The following UNC13C variants were observed in gnomAD, a reference collection of about 807,000 sequenced individuals.
The protein encoded by UNC13C is protein unc-13 homolog C.
A neutral mutation model predicts 245.4 loss-of-function variants in UNC13C; 174 were observed. The observed-to-expected ratio is 0.71, with a 90% confidence interval of 0.63 to 0.80. The LOEUF is 0.80. Among genes scored for constraint, UNC13C ranks in the 30% least tolerant of loss-of-function variants. The pLI is 0.00. For synonymous variants in UNC13C, 992 were observed against 895.1 expected (o/e 1.11, Z -1.93); for missense variants, 2,829 against 2,602.9 (o/e 1.09, Z -1.89).
chr15:54,604,977 A>G (rs914377646), intron 30 of UNC13C, among the ~76,000 whole-genome samples: 1 of 152,048 alleles, frequency 6.6e-6, no homozygotes, highest in African/African-American at 2.4e-5. Context: ...TGGGGGAAAA[A>G]AACAGCTCTG....
intron 4 of UNC13C, among the ~76,000 whole-genome samples, chr15:54,193,569 C>T (rs1467000688): frequency 6.6e-6 from 1 of 152,082 alleles, no homozygotes; most frequent in Non-Finnish European, 1.5e-5. Context: ...TCCCACCTAC[C>T]AAAAAGTCTG....
At chr15:54,054,448 G>T (rs1289586881) in intron 2 of UNC13C, among the ~76,000 whole-genome samples, 1 of 152,112 alleles carries the variant, frequency 6.6e-6, no homozygotes, top group Non-Finnish European at 1.5e-5. Flanking sequence ...ATGATTTCCT[G>T]CTAACAGAAT....
chr15:54,450,768 G>T (rs879514931), intron 19 of UNC13C, among the ~76,000 whole-genome samples: 1 of 152,070 alleles, frequency 6.6e-6, no homozygotes, highest in East Asian at 1.9e-4. Context: ...GGTGCACTGC[G>T]CCCACTGTCC....
chr15:54,343,617 C>T (rs554214648), intron 17 of UNC13C, among the ~76,000 whole-genome samples: 2 of 152,288 alleles, frequency 1.3e-5, no homozygotes, highest in South Asian at 2.1e-4. Context: ...GAAATTCTCC[C>T]TCCTTCCCTG....
chr15:53,935,222 G>T, the UNC13C span, among the ~76,000 whole-genome samples: 1 of 150,928 alleles, frequency 6.6e-6, no homozygotes, highest in African/African-American at 2.4e-5. Context: ...TATGAGTGTT[G>T]CTTACCACTG....
At chr15:53,862,445 G>C in the UNC13C span, among the ~76,000 whole-genome samples, 54 of 152,160 alleles carry the variant, frequency 3.5e-4, no homozygotes, top group African/African-American at 1.3e-3. Context: ...CCTGGGGTCT[G>C]GAAAGCTTTC....
Position 54,013,444 on chromosome 15 carries a change from T to C in UNC13C, c.541T>C (p.Leu181=). The C allele has an allele frequency of 1.9e-6, 3 of 1,613,706 alleles. No individual in the cohort carries two copies. The South Asian group carries it at 3.3e-5, about 18-fold the overall frequency. Reference sequence around the variant, plus strand: ...TCTACATGGCTTAAAACTGGGAGCTTTACGAAAACTGAGAAAATGGAAAAA... The same window carrying C: ...TCTACATGGCTTAAAACTGGGAGCTCTACGAAAACTGAGAAAATGGAAAAA... ...RTLHGLKLGA[L]RKLRKWKKSQ... Residue 181 remains leucine (L), a synonymous_variant, in exon 2 of 33, where the codon TTA becomes CTA. Coordinates refer to ENST00000260323, the MANE Select transcript of UNC13C (RefSeq NM_001080534.3).
At chr15:53,843,249 G>C in the UNC13C span, among the ~76,000 whole-genome samples, 1 of 152,064 alleles carries the variant, frequency 6.6e-6, no homozygotes, top group Non-Finnish European at 1.5e-5. Context: ...AAACCAGCCT[G>C]GGCAACATGG....
intron 30 of UNC13C, among the ~76,000 whole-genome samples, chr15:54,571,723 C>T (rs1346665982): frequency 1.3e-5 from 2 of 152,220 alleles, no homozygotes; most frequent in African/African-American, 2.4e-5. Flanking sequence ...TGAGGAGCCA[C>T]AGGCACAGGC....
intron 19 of UNC13C, among the ~76,000 whole-genome samples, chr15:54,477,055 A>G (rs200969783): frequency 0.12 from 8,288 of 67,018 alleles, 159 homozygotes; most frequent in East Asian, 0.21. Flanking sequence ...TAGGTATTTT[A>G]TTCTCTTTGA....
chr15:54,616,561 G>A (rs1482393611), intron 30 of UNC13C, among the ~76,000 whole-genome samples: 4 of 151,818 alleles, frequency 2.6e-5, no homozygotes, highest in African/African-American at 9.7e-5. Flanking sequence ...AACAACAACA[G>A]CAACAAAAGC....
At chr15:54,335,346 T>C (rs1027799867) in intron 16 of UNC13C, among the ~76,000 whole-genome samples, 2 of 152,306 alleles carry the variant, frequency 1.3e-5, no homozygotes, top group East Asian at 3.9e-4. Flanking sequence ...CATCTATACA[T>C]TTCTTTCCAA....
In UNC13C at chr15:54,627,115, A is replaced by G. The variant is rs759398250; in HGVS notation, c.*2A>G. On this transcript the variant is annotated 3_prime_UTR_variant, in exon 33 of 33. Coordinates refer to ENST00000260323, the MANE Select transcript of UNC13C (RefSeq NM_001080534.3). ...AGATCTACTGAAGAGAGTGCTTGAA[A>G]CAAACACTGCAAGCTAAATACATAA... 6.2e-7 allele frequency: 1 copy of G among 1,604,924 alleles called. No homozygotes were observed. The highest frequency in any genetic ancestry group is 2.2e-5 in the East Asian group (1 of 44,754).
At chr15:54,025,600 T>C (rs761201447) in intron 2 of UNC13C, among the ~76,000 whole-genome samples, 2 of 152,212 alleles carry the variant, frequency 1.3e-5, no homozygotes, top group East Asian at 3.9e-4. Flanking sequence ...TAATTAAGCA[T>C]TACCCCATGC....
chr15:54,569,841 G>A (rs937036565), intron 30 of UNC13C, among the ~76,000 whole-genome samples: 3 of 151,556 alleles, frequency 2.0e-5, no homozygotes, highest in Non-Finnish European at 1.5e-5. Context: ...ATATAGATAC[G>A]AAATGGTTTT....
chr15:54,504,711 G>C (rs189151164), intron 22 of UNC13C, among the ~76,000 whole-genome samples: 1 of 152,222 alleles, frequency 6.6e-6, no homozygotes, highest in Admixed American at 6.5e-5. Flanking sequence ...TGTCTTCCTT[G>C]TGTTGCTCTA....
At chr15:54,489,100 T>A (rs914523583) in intron 19 of UNC13C, among the ~76,000 whole-genome samples, 2 of 152,174 alleles carry the variant, frequency 1.3e-5, no homozygotes, top group African/African-American at 4.8e-5. Context: ...TTATTTTAAA[T>A]ATCTCCTGTA....
intron 2 of UNC13C, among the ~76,000 whole-genome samples, chr15:54,123,980 C>T (rs930160705): frequency 7.2e-5 from 11 of 152,108 alleles, no homozygotes; most frequent in Non-Finnish European, 1.6e-4. Context: ...GCTTTTTTCA[C>T]TTAGCATAAT....
intron 2 of UNC13C, among the ~76,000 whole-genome samples, chr15:54,065,574 C>A (rs2141087275): frequency 6.6e-6 from 1 of 152,314 alleles, no homozygotes; most frequent in East Asian, 1.9e-4. Flanking sequence ...CATCACAGCT[C>A]AATGCAGATT....
Sources: allele counts gnomAD v4.1 joint callset (sites outside exome capture counted in the v4.1 genomes callset), GRCh38; gene constraint gnomAD v4.1.1; transcripts MANE v1.5; gene names NCBI Gene and HGNC (gene_info 2026-07-23, HGNC 2026-07-21).